NXN: variants seen among roughly 807,000 people sequenced by gnomAD.
NXN encodes nucleoredoxin.
Under a neutral mutation model 48.6 loss-of-function variants are expected in NXN, and 16 were observed. That is an observed-to-expected ratio of 0.33 (90% CI 0.22 to 0.50). The LOEUF (loss-of-function observed/expected upper bound fraction) is 0.50, where lower values mean the gene tolerates loss of function less well. NXN is among the 20% of genes least tolerant of loss of function. NXN has a pLI of 0.98. For missense variants in NXN, 492 were observed against 605.5 expected (o/e 0.81, Z 1.97); for synonymous variants, 281 against 269.6 (o/e 1.04, Z -0.41).
chr17:806,940 A>C (rs1226867), intron 5 of NXN, among the ~76,000 whole-genome samples: 2 of 146,970 alleles, frequency 1.4e-5, no homozygotes, highest in East Asian at 2.0e-4. Flanking sequence ...ACACACACAC[A>C]CACACACGCA....
At position 917,468 on chromosome 17, in the gene NXN, C is replaced by T. The variant is rs2068700366; in HGVS notation, c.360+61851G>A. ...ACATCTTTACTCATGAACCTAAACT[C>T]ACAGAGCAGCCCCACACTGTCGTCT... On this transcript the variant is annotated intron_variant, in intron 1 of 7. Coordinates refer to ENST00000336868, the MANE Select transcript of NXN (RefSeq NM_022463.5). The surrounding 1 kb of genome is among the most constrained non-coding windows in gnomAD (Gnocchi z 4.5). Among the ~76,000 whole-genome samples the T allele has an allele frequency of 6.6e-6, 1 of 152,228 alleles. No homozygotes were observed. Among genetic ancestry groups the T allele is most frequent in the Non-Finnish European group, 1.5e-5 (1 of 68,046 alleles).
intron 1 of NXN, among the ~76,000 whole-genome samples, chr17:916,438 G>C (rs1384451405): frequency 3.3e-5 from 5 of 152,070 alleles, no homozygotes; most frequent in Non-Finnish European, 5.9e-5. Context: ...ACATTTCAAA[G>C]TTACCAAACT....
chr17:952,009 C>T (rs1489317405), intron 1 of NXN, among the ~76,000 whole-genome samples: 1 of 152,190 alleles, frequency 6.6e-6, no homozygotes, highest in Non-Finnish European at 1.5e-5. Flanking sequence ...GGTCAGCCAT[C>T]CATCACCACC....
In NXN at chr17:808,676, G is replaced by GTTTTTTT. The variant is rs5818768; in HGVS notation, c.821-3436_821-3430dup. The stretch of plus-strand genomic sequence containing the variant: ...AAGTATTGGCTATTATTATAAACCA[G>GTTTTTTT]TTTTTTTTTTTTTTTTGAGACAGAG... On this transcript the variant is annotated intron_variant, in intron 5 of 7. Transcript: ENST00000336868. Among the ~76,000 whole-genome samples, 9 of 128,980 alleles carry GTTTTTTT rather than the reference G, an allele frequency of 7.0e-5. 1 individual carries two copies. The highest frequency in any genetic ancestry group is 1.7e-4 in the Admixed American group (2 of 11,972). The allele number at this position is 128,980 out of a possible 152,430, so 84.6% of individuals were successfully genotyped here.
chr17:825,863 C>T lies in NXN; in HGVS notation c.478+98G>A. 1 of 746,912 alleles carries T rather than the reference C, an allele frequency of 1.3e-6. No homozygotes were observed. Among genetic ancestry groups the T allele is most frequent in the East Asian group, 2.5e-5 (1 of 40,186 alleles). 46.3% of individuals were successfully genotyped at this position (746,912 alleles called of 1,614,324 possible). ...GTAAACCCACGTGTATCTATTTCAC[C>T]AGTACTCTCTCCACCGGTGGGACGG... On this transcript the variant is annotated intron_variant, in intron 2 of 7. Transcript: ENST00000336868. This position sits in a 1 kb window ranked among gnomAD's most constrained non-coding sequence, Gnocchi z 4.1.
chr17:840,833 AAC>A (rs1914126447), intron 1 of NXN, among the ~76,000 whole-genome samples: 2 of 152,200 alleles, frequency 1.3e-5, no homozygotes, highest in South Asian at 4.1e-4. Context: ...AATGCTGTCA[AAC>A]ACACAGACGA....
intron 2 of NXN, among the ~76,000 whole-genome samples, chr17:824,436 A>C (rs890802762): frequency 6.6e-6 from 1 of 152,178 alleles, no homozygotes; most frequent in Non-Finnish European, 1.5e-5. Context: ...GTGCAAAATG[A>C]AACAGGCTCC....
Position 960,788 on chromosome 17 carries a change from A to ATTTTT in NXN, c.360+18526_360+18530dup, listed in dbSNP as rs1159400723. Among the ~76,000 whole-genome samples, 9 of 138,208 alleles carry ATTTTT rather than the reference A, an allele frequency of 6.5e-5. 1 individual carries two copies. Among genetic ancestry groups the ATTTTT allele is most frequent in the African/African-American group, 1.8e-4 (7 of 37,928 alleles). 90.7% of individuals were successfully genotyped at this position (138,208 alleles called of 152,430 possible). A position where few individuals can be genotyped will look rare whatever the true frequency, so the allele number is the denominator to read the frequency against. On this transcript the variant is annotated intron_variant, in intron 1 of 7. Coordinates refer to ENST00000336868, the MANE Select transcript of NXN (RefSeq NM_022463.5). ...CCACCACGCCTGGCCAATTAACTCG[A>ATTTTT]TTTTTTTTTTTTTTTGAGATGGTGT...
chr17:828,068 C>T (rs899330558), intron 1 of NXN, among the ~76,000 whole-genome samples: 1 of 152,114 alleles, frequency 6.6e-6, no homozygotes, highest in Admixed American at 6.6e-5. Flanking sequence ...AGCCCGGGAC[C>T]TCACAACAAG....
chr17:805,722 C>T (rs1021625171), intron 5 of NXN, among the ~76,000 whole-genome samples: 2 of 152,084 alleles, frequency 1.3e-5, no homozygotes, highest in Non-Finnish European at 1.5e-5. Context: ...CCTGTAGTCC[C>T]AGCTACTCGG....
In NXN at chr17:979,583, C is replaced by G; in HGVS notation, c.96G>C (p.Ser32=). ...DVHSLGARGI[S]LLGLYFGCSL... The stretch of plus-strand genomic sequence containing the variant: ...TGCAGCCGAAGTAGAGACCCAGCAG[C>G]GAGATGCCGCGGGCGCCCAGCGAGT... Residue 32 remains serine, a synonymous_variant, in exon 1 of 8, where the codon TCG becomes TCC. Transcript: ENST00000336868. 4.2e-6 allele frequency: 6 copies of G among 1,436,012 alleles called. No individual in the cohort carries two copies. Among genetic ancestry groups the G allele is most frequent in the Non-Finnish European group, 5.5e-6 (6 of 1,093,506 alleles). 89.0% of individuals were successfully genotyped at this position (1,436,012 alleles called of 1,614,324 possible). A position where few individuals can be genotyped will look rare whatever the true frequency, so the allele number is the denominator to read the frequency against.
At chr17:875,645 AC>A (rs2068205936) in intron 1 of NXN, among the ~76,000 whole-genome samples, 2 of 151,894 alleles carry the variant, frequency 1.3e-5, no homozygotes, top group African/African-American at 4.8e-5. Flanking sequence ...AGGCTGGAGT[AC>A]GGTGGTGCAA....
chr17:932,418 A>G lies in NXN; in HGVS notation c.360+46901T>C, dbSNP rs1365575226. Among the ~76,000 whole-genome samples, 1 of 152,184 alleles carries G rather than the reference A, an allele frequency of 6.6e-6. No homozygotes were observed. The highest frequency in any genetic ancestry group is 2.4e-5 in the African/African-American group (1 of 41,460). ...TCTGGGATGGGGCCCAGGAATCCGCATTTAACCAGTCCTTCTGGTTATTCA... is the reference window on the plus strand; with the variant it reads ...TCTGGGATGGGGCCCAGGAATCCGCGTTTAACCAGTCCTTCTGGTTATTCA... On this transcript the variant is annotated intron_variant, in intron 1 of 7. Coordinates refer to ENST00000336868, the MANE Select transcript of NXN (RefSeq NM_022463.5). This position sits in a 1 kb window ranked among gnomAD's most constrained non-coding sequence, Gnocchi z 4.1.
At chr17:818,264 A>AAT (rs1356035077) in intron 5 of NXN, among the ~76,000 whole-genome samples, 2 of 152,054 alleles carry the variant, frequency 1.3e-5, no homozygotes, top group Non-Finnish European at 2.9e-5. Flanking sequence ...CTGACTTAAA[A>AAT]ATATATATAT....
rs1405780218 is a variant in NXN, at chr17:801,059, T to C, written c.1198A>G (p.Met400Val). Residue 400 changes from methionine to valine, a missense_variant, in exon 8 of 8, where the codon ATG becomes GTG. Transcript: ENST00000336868. ...EAAPLLTILD[M>V]SARAKYVMDV... ...ATCACGTACTTGGCCCGGGCTGACA[T>C]GTCCAGGATGGTGAGCAAAGGGGCA... is the stretch of plus-strand genomic sequence containing the variant. 1 of 1,578,762 alleles carries C rather than the reference T, an allele frequency of 6.3e-7. No individual in the cohort carries two copies. Among genetic ancestry groups the C allele is most frequent in the South Asian group, 1.2e-5 (1 of 85,736 alleles).
At position 962,188 on chromosome 17, in the gene NXN, T is replaced by G. The variant is rs78938902; in HGVS notation, c.360+17131A>C. Among the ~76,000 whole-genome samples the G allele has an allele frequency of 3.1e-3, 467 of 152,132 alleles. 2 individuals are homozygous for G. The highest frequency in any genetic ancestry group is 0.03 in the East Asian group (157 of 5,184). On this transcript the variant is annotated intron_variant, in intron 1 of 7. Coordinates refer to ENST00000336868, the MANE Select transcript of NXN (RefSeq NM_022463.5). ...GAAAACGGGGGAGAGTTGTGTGTAA[T>G]AGTAGGTGAGAAGACTTTTGACATC... is the stretch of plus-strand genomic sequence containing the variant.
intron 1 of NXN, among the ~76,000 whole-genome samples, chr17:943,393 G>C (rs2069002780): frequency 6.6e-6 from 1 of 152,156 alleles, no homozygotes; most frequent in Non-Finnish European, 1.5e-5. Context: ...ACAGAGGGAA[G>C]GCCCAGAGAG....
intron 1 of NXN, among the ~76,000 whole-genome samples, chr17:872,026 A>G (rs776455781): frequency 6.6e-6 from 1 of 152,152 alleles, no homozygotes; most frequent in Non-Finnish European, 1.5e-5. Flanking sequence ...AAAAAATGAA[A>G]AAGTTGAGGA....
intron 1 of NXN, among the ~76,000 whole-genome samples, chr17:893,561 A>G (rs2068446508): frequency 6.6e-6 from 1 of 151,846 alleles, no homozygotes; most frequent in South Asian, 2.1e-4. Flanking sequence ...GAAGCATCTC[A>G]ACCTCCGGAA....
Sources: allele counts gnomAD v4.1 joint callset (sites outside exome capture counted in the v4.1 genomes callset), GRCh38; gene constraint gnomAD v4.1.1; non-coding constraint Gnocchi (gnomAD v3.1); transcripts MANE v1.5; gene names NCBI Gene and HGNC (gene_info 2026-07-23, HGNC 2026-07-21).